PIP5K1B: variants seen among roughly 807,000 people sequenced by gnomAD.
PIP5K1B encodes the protein phosphatidylinositol 4-phosphate 5-kinase type-1 beta.
A neutral mutation model predicts 67.0 loss-of-function variants in PIP5K1B; 42 were observed. The observed-to-expected ratio is 0.63, with a 90% CI of 0.49 to 0.81. The LOEUF (loss-of-function observed/expected upper bound fraction) is 0.81, where lower values mean the gene tolerates loss of function less well. PIP5K1B is among the 30% of genes least tolerant of loss of function. The probability of loss-of-function intolerance (pLI) is 0.00; values close to 1 mark genes in which losing one functional copy is unlikely to be tolerated. For synonymous variants in PIP5K1B, 214 were observed against 231.4 expected (o/e 0.92, Z 0.68); for missense variants, 459 against 646.3 (o/e 0.71, Z 3.14).
intron 12 of PIP5K1B, among the ~76,000 whole-genome samples, chr9:68,924,011 C>T (rs1349415358): frequency 1.3e-5 from 2 of 151,012 alleles, no homozygotes; most frequent in Non-Finnish European, 2.9e-5. Flanking sequence ...TTAGAAAAAC[C>T]TCAAGATGAA....
chr9:68,736,056 G>C (rs190537136), intron 1 of PIP5K1B, among the ~76,000 whole-genome samples: 1 of 152,280 alleles, frequency 6.6e-6, no homozygotes, highest in African/African-American at 2.4e-5. Context: ...GTCTGGGATG[G>C]AATCACGGAA....
At chr9:69,001,047 C>T (rs537605185) in intron 15 of PIP5K1B, among the ~76,000 whole-genome samples, 12 of 152,084 alleles carry the variant, frequency 7.9e-5, no homozygotes, top group African/African-American at 2.2e-4. Flanking sequence ...TATAGGCGCA[C>T]GCCACCACAC....
At chr9:69,001,398 T>TG (rs947639630) in intron 15 of PIP5K1B, among the ~76,000 whole-genome samples, 34 of 149,372 alleles carry the variant, frequency 2.3e-4, no homozygotes, top group Admixed American at 2.2e-3. Flanking sequence ...TGGATTGTGT[T>TG]GCAGCAACAG....
intron 4 of PIP5K1B, among the ~76,000 whole-genome samples, chr9:68,857,697 C>T (rs1822848330): frequency 6.6e-6 from 1 of 152,030 alleles, no homozygotes; most frequent in Non-Finnish European, 1.5e-5. Context: ...GAGACCCTAT[C>T]CCAACAAAAA....
chr9:68,783,374 T>G (rs2132467500), intron 2 of PIP5K1B: 1 of 167,046 alleles, frequency 6.0e-6, no homozygotes, highest in East Asian at 1.9e-4. Context: ...CCTATCCTTT[T>G]CAGGGAGGCA....
At chr9:68,951,767 CAAAT>C (rs1435722622) in intron 14 of PIP5K1B, among the ~76,000 whole-genome samples, 1 of 152,138 alleles carries the variant, frequency 6.6e-6, no homozygotes, top group African/African-American at 2.4e-5. Flanking sequence ...CAGAGTTTAA[CAAAT>C]AGTCGTGTAA....
intron 15 of PIP5K1B, among the ~76,000 whole-genome samples, chr9:69,006,694 T>C (rs1207748809): frequency 1.0e-4 from 13 of 127,398 alleles, no homozygotes; most frequent in Admixed American, 9.1e-4. Context: ...TCCTCAGGCA[T>C]CACTCAGGTT....
intron 5 of PIP5K1B, among the ~76,000 whole-genome samples, chr9:68,864,258 G>A (rs775784921): frequency 6.6e-6 from 1 of 152,232 alleles, no homozygotes; most frequent in African/African-American, 2.4e-5. Context: ...CAGTGGGAAA[G>A]AGTGCAGTAA....
intron 4 of PIP5K1B, among the ~76,000 whole-genome samples, chr9:68,850,320 A>G (rs1822416578): frequency 6.6e-6 from 1 of 152,244 alleles, no homozygotes; most frequent in Admixed American, 6.5e-5. Flanking sequence ...CAAAATACCC[A>G]GTTGAAATCC....
chr9:68,781,423 T>G (rs1831267505), intron 2 of PIP5K1B: 1 of 180,860 alleles, frequency 5.5e-6, no homozygotes. Flanking sequence ...CCATACTTCA[T>G]GCCCACACTA....
chr9:68,719,609 G>T (rs1429413037), intron 1 of PIP5K1B, among the ~76,000 whole-genome samples: 1 of 152,044 alleles, frequency 6.6e-6, no homozygotes, highest in East Asian at 1.9e-4. Flanking sequence ...GTGTTGTTCA[G>T]ACTCAGTTGT....
At chr9:68,968,071 A>G (rs947340900) in intron 14 of PIP5K1B, among the ~76,000 whole-genome samples, 2 of 152,244 alleles carry the variant, frequency 1.3e-5, no homozygotes, top group Non-Finnish European at 2.9e-5. Flanking sequence ...CTGGCTCAGA[A>G]TTCTGATTAA....
chr9:68,709,017 C>G (rs901321294), intron 1 of PIP5K1B, among the ~76,000 whole-genome samples: 1 of 152,054 alleles, frequency 6.6e-6, no homozygotes, highest in Middle Eastern at 3.2e-3. Context: ...GCAGGAGGAC[C>G]AAGATCAATG....
intron 2 of PIP5K1B, among the ~76,000 whole-genome samples, chr9:68,764,754 A>G (rs1296464122): frequency 6.6e-6 from 1 of 152,120 alleles, no homozygotes; most frequent in Non-Finnish European, 1.5e-5. Context: ...GATAAACTAA[A>G]GCTTTCCTCG....
intron 4 of PIP5K1B, among the ~76,000 whole-genome samples, chr9:68,834,303 G>A (rs1315908187): frequency 2.6e-5 from 4 of 152,164 alleles, no homozygotes; most frequent in African/African-American, 9.7e-5. Flanking sequence ...TCCCACGCAA[G>A]CTGATCACTC....
At chr9:68,948,844 A>G (rs1280168182) in intron 14 of PIP5K1B, among the ~76,000 whole-genome samples, 1 of 152,164 alleles carries the variant, frequency 6.6e-6, no homozygotes, top group Non-Finnish European at 1.5e-5. Flanking sequence ...TTTTCAAATG[A>G]TCCCTCATAT....
At chr9:68,999,916 C>T (rs1330667598) in intron 15 of PIP5K1B, among the ~76,000 whole-genome samples, 1 of 152,204 alleles carries the variant, frequency 6.6e-6, no homozygotes, top group Non-Finnish European at 1.5e-5. Context: ...ACTCCATGTA[C>T]TTGATTGTAG....
At chr9:68,973,351 T>C (rs1344426267) in intron 14 of PIP5K1B, among the ~76,000 whole-genome samples, 2 of 152,346 alleles carry the variant, frequency 1.3e-5, no homozygotes, top group East Asian at 3.9e-4. Context: ...AGAGCATTTT[T>C]AGTAATAGCC....
intron 1 of PIP5K1B, among the ~76,000 whole-genome samples, chr9:68,726,798 C>T (rs917527294): frequency 6.6e-6 from 1 of 152,186 alleles, no homozygotes; most frequent in African/African-American, 2.4e-5. Context: ...TTTATGAACA[C>T]ATGGTATGAT....
Sources: allele counts gnomAD v4.1 joint callset (sites outside exome capture counted in the v4.1 genomes callset), GRCh38; gene constraint gnomAD v4.1.1; transcripts MANE v1.5; gene names NCBI Gene and HGNC (gene_info 2026-07-23, HGNC 2026-07-21).